Variants in ESPN observed in about 807,000 individuals in gnomAD.
ESPN encodes autosomal recessive deafness type 36 protein.
ESPN carries 68 observed loss-of-function variants against 77.7 expected under a neutral mutation model. The ratio of observed to expected loss-of-function variants is 0.87; its 90% CI spans 0.72 to 1.07. The LOEUF is 1.07. ESPN is among the 50% of genes least tolerant of loss of function. The pLI, the probability that ESPN is intolerant of heterozygous loss-of-function variation, is 0.00. For missense variants in ESPN, 1,060 were observed against 1,239.0 expected, an observed-to-expected ratio of 0.86 and a Z score of 2.17; for synonymous variants, 449 against 567.1, an observed-to-expected ratio of 0.79 and a Z score of 2.96.
intron 2 of ESPN, among the ~76,000 whole-genome samples, chr1:6,431,400 A>G (rs1643239912): frequency 6.6e-6 from 1 of 152,008 alleles, no homozygotes; most frequent in Non-Finnish European, 1.5e-5. Flanking sequence ...CCTGAGGTCA[A>G]GAGTTCAAAA....
intron 6 of ESPN, 89 bp from the exon 7 acceptor site, chr1:6,445,575 A>T: frequency 6.8e-7 from 1 of 1,468,078 alleles, no homozygotes; most frequent in Non-Finnish European, 9.4e-7. Context: ...GCCCCTCGGC[A>T]AGTTGTTTCC....
chr1:6,449,954 A>G (rs1643916249), intron 8 of ESPN, among the ~76,000 whole-genome samples: 4 of 152,060 alleles, frequency 2.6e-5, no homozygotes, highest in South Asian at 2.1e-4. Context: ...CCCTGACTAG[A>G]AGTGCAGAGC....
intron 10 of ESPN, chr1:6,456,504 C>T (rs989531965): frequency 4.5e-6 from 1 of 223,362 alleles, no homozygotes; most frequent in Non-Finnish European, 8.7e-6. Flanking sequence ...GGGGCTGCGG[C>T]TCCTCCTTGC....
In ESPN at chr1:6,448,813, G is replaced by A; in HGVS notation, c.1637G>A (p.Arg546His). 8.0e-7 allele frequency: 1 copy of A among 1,248,696 alleles called. No homozygotes were observed. The highest frequency in any genetic ancestry group is 3.3e-5 in the East Asian group (1 of 30,732). 77.4% of individuals were successfully genotyped at this position (1,248,696 alleles called of 1,614,324 possible). A position where few individuals can be genotyped will look rare whatever the true frequency, so the allele number is the denominator to read the frequency against. ...GCGCACAGCGAGGAGGTGCGTGCCC[G>A]CCAGCCCGCGCGCGCCGGCTGCCCG... ...GMAHSEEVRA[R>H]QPARAGCPRL... The change falls in exon 8 of 13, where the codon CGC becomes CAC. Residue 546 changes from arginine (R) to histidine (H), a missense_variant. By Grantham distance (29) the Arg-to-His change is conservative. Around this residue, in one of 3 missense-constraint regions of ESPN, gnomAD observed 130 missense variants for 223.9 expected, o/e 0.58. Transcript: ENST00000645284.
chr1:6,451,773 C>A lies in ESPN; in HGVS notation c.2061+25C>A. On this transcript the variant is annotated intron_variant, in intron 9 of 12. Coordinates refer to ENST00000645284, the MANE Select transcript of ESPN (RefSeq NM_031475.3). This position sits in a 1 kb window ranked among gnomAD's most constrained non-coding sequence, Gnocchi z 4.3. Reference sequence around the variant, plus strand: ...GGTAGGCGGGCCCAGCAGGAGCCTGCGACCCGGCTTCCCTGGCCCTAGGCC... The same window carrying A: ...GGTAGGCGGGCCCAGCAGGAGCCTGAGACCCGGCTTCCCTGGCCCTAGGCC... The A allele has an allele frequency of 6.2e-7, 1 of 1,610,298 alleles. No homozygotes were observed. Among genetic ancestry groups the A allele is most frequent in the Non-Finnish European group, 8.5e-7 (1 of 1,179,116 alleles).
At chr1:6,458,126 C>T (rs1255658089) in intron 12 of ESPN, among the ~76,000 whole-genome samples, 1 of 151,678 alleles carries the variant, frequency 6.6e-6, no homozygotes, top group African/African-American at 2.4e-5. Context: ...TCAAGTGATT[C>T]TCCTGCCTCA....
rs1643899999 is a variant in ESPN at position 6,448,978 on chromosome 1, C to T, written c.1802C>T (p.Pro601Leu). The T allele has an allele frequency of 2.1e-6, 3 of 1,420,358 alleles. No homozygotes were observed. The highest frequency in any genetic ancestry group is 2.7e-6 in the Non-Finnish European group (3 of 1,092,668). The allele number at this position is 1,420,358 out of a possible 1,614,324, so 88.0% of individuals were successfully genotyped here. A position where few individuals can be genotyped will look rare whatever the true frequency, so the allele number is the denominator to read the frequency against. The change falls in exon 8 of 13, where the codon CCG becomes CTG. Residue 601 changes from proline to leucine, a missense_variant. Around this residue, in one of 3 missense-constraint regions of ESPN, gnomAD observed 374 missense variants for 381.4 expected, o/e 0.98. Transcript: ENST00000645284. ...AGGGAGCTGCCACCGCCGCCCCCAC[C>T]GCCGCCGCCGCCCCTGCCGGAGGCC... is the stretch of plus-strand genomic sequence containing the variant. ...ASRELPPPPP[P>L]PPPPLPEAAS...
Position 6,451,601 on chromosome 1 carries a change from A to G in ESPN, c.1916-2A>G, listed in dbSNP as rs781466806. ...AGTGCCTCATCTCCTGCCTCCGCAT[A>G]GGCACCAAGTCTTTCAACATGATGT... On this transcript the variant is annotated splice_acceptor_variant, in intron 8 of 12. Transcript: ENST00000645284. LOFTEE classifies it high-confidence loss of function. The surrounding 1 kb of genome is among the most constrained non-coding windows in gnomAD (Gnocchi z 4.3). 3 of 1,612,560 alleles carry G rather than the reference A, an allele frequency of 1.9e-6. No individual in the cohort carries two copies. The Admixed American group carries it at 5.0e-5, about 27-fold the overall frequency.
Position 6,459,524 on chromosome 1 carries a change from T to C in ESPN, c.2418-475T>C, listed in dbSNP as rs1269707440. Among the ~76,000 whole-genome samples the C allele has an allele frequency of 4.6e-5, 7 of 151,656 alleles. 1 individual carries two copies. Among genetic ancestry groups the C allele is most frequent in the Admixed American group, 2.6e-4 (4 of 15,250 alleles). On this transcript the variant is annotated intron_variant, in intron 12 of 12. Coordinates refer to ENST00000645284, the MANE Select transcript of ESPN (RefSeq NM_031475.3). ...AGCCACATGTGCTTAGTGACTACTC[T>C]GTCAACAGGCAGATCTACCCTCTAT...
At chr1:6,425,693 G>T (rs1306901541) in intron 1 of ESPN, among the ~76,000 whole-genome samples, 2 of 152,260 alleles carry the variant, frequency 1.3e-5, no homozygotes, top group African/African-American at 4.8e-5. Context: ...CCCAGCCAGG[G>T]TGTGGGGGAA....
In ESPN at chr1:6,460,114, A is replaced by T; in HGVS notation, c.2533A>T (p.Ile845Phe). 5 of 1,612,996 alleles carry T rather than the reference A, an allele frequency of 3.1e-6. No individual in the cohort carries two copies. The highest frequency in any genetic ancestry group is 4.2e-6 in the Non-Finnish European group (5 of 1,180,010). ...GCTGGCGCCCTGGCAGCGACAGGTC[A>T]TCCTGAAGAAGGGGGACATCGCTAA... ...SKLAPWQRQVILKKGDIAKY is the reference protein window; with the variant it reads ...SKLAPWQRQVFLKKGDIAKY The change falls in exon 13 of 13, where the codon ATC becomes TTC. Residue 845 changes from isoleucine to phenylalanine, a missense_variant. Ile to Phe is a conservative substitution (Grantham distance 21). Coordinates refer to ENST00000645284, the MANE Select transcript of ESPN (RefSeq NM_031475.3).
Position 6,437,534 on chromosome 1 carries a change from G to A in ESPN, c.489-2720G>A, listed in dbSNP as rs1292828214. ...GAGTGTGCGTGGGGGTGACGCTGGCGCTGGGGTGTGGAGGCTGGCAGCCAC... is the reference window on the plus strand; with the variant it reads ...GAGTGTGCGTGGGGGTGACGCTGGCACTGGGGTGTGGAGGCTGGCAGCCAC... On this transcript the variant is annotated intron_variant, in intron 2 of 12. Coordinates refer to ENST00000645284, the MANE Select transcript of ESPN (RefSeq NM_031475.3). The surrounding 1 kb of genome is among the most constrained non-coding windows in gnomAD (Gnocchi z 4.5). The A allele has an allele frequency of 6.6e-6, 1 of 152,404 alleles. No individual in the cohort carries two copies. The highest frequency in any genetic ancestry group is 1.5e-5 in the Non-Finnish European group (1 of 68,078). The allele number at this position is 152,404 out of a possible 1,614,324, so 9.4% of individuals were successfully genotyped here.
In ESPN at chr1:6,447,909, AAGT is replaced by A. The variant is rs1042030372; in HGVS notation, c.1465-728_1465-726del. 1 of 152,138 alleles carries A rather than the reference AAGT, an allele frequency of 6.6e-6. No homozygotes were observed. The allele number at this position is 152,138 out of a possible 1,614,324, so 9.4% of individuals were successfully genotyped here. ...TGCAGAGCCGCGGCCAGGTGTGGCA[AAGT>A]AGTTGGCGCCCCCTGTGGCATCCGC... is the stretch of plus-strand genomic sequence containing the variant. On this transcript the variant is annotated intron_variant, in intron 7 of 12. Coordinates refer to ENST00000645284, the MANE Select transcript of ESPN (RefSeq NM_031475.3). This position sits in a 1 kb window ranked among gnomAD's most constrained non-coding sequence, Gnocchi z 5.2.
rs1035716778 is a variant in ESPN, at chr1:6,460,693, T to G, written c.*547T>G. The stretch of plus-strand genomic sequence containing the variant: ...CTCAGTCATTTGTTTACCAGAAACA[T>G]GAAAACTGCCTGTCTGGCCGGGCCG... On this transcript the variant is annotated 3_prime_UTR_variant, in exon 13 of 13. Transcript: ENST00000645284. The G allele has an allele frequency of 2.4e-5, 4 of 168,728 alleles. No individual in the cohort carries two copies. Among genetic ancestry groups the G allele is most frequent in the Admixed American group, 5.7e-5 (1 of 17,420 alleles). The allele number at this position is 168,728 out of a possible 1,614,324, so 10.5% of individuals were successfully genotyped here. A position where few individuals can be genotyped will look rare whatever the true frequency, so the allele number is the denominator to read the frequency against.
At position 6,447,167 on chromosome 1, in the gene ESPN, G is replaced by C. The variant is rs6577577; in HGVS notation, c.1464+1232G>C. Reference sequence around the variant, plus strand: ...CCCTCCCGGCTGTGTGCGTCCCTCCGGGCTGTGTGCGCCCCTCCCGGCTGT... The same window carrying C: ...CCCTCCCGGCTGTGTGCGTCCCTCCCGGCTGTGTGCGCCCCTCCCGGCTGT... On this transcript the variant is annotated intron_variant, in intron 7 of 12. Transcript: ENST00000645284. The surrounding 1 kb of genome is among the most constrained non-coding windows in gnomAD (Gnocchi z 5.2). Among the ~76,000 whole-genome samples the C allele has an allele frequency of 0.22, 32,478 of 150,754 alleles. 7,760 individuals are homozygous for C. The highest frequency in any genetic ancestry group is 0.6 in the African/African-American group (24,578 of 41,010).
At chr1:6,458,890 C>T (rs1227652509) in intron 12 of ESPN, among the ~76,000 whole-genome samples, 1 of 147,964 alleles carries the variant, frequency 6.8e-6, no homozygotes, top group Non-Finnish European at 1.5e-5. Flanking sequence ...AGGATCACGC[C>T]GTTTTGTACT....
chr1:6,425,253 G>A lies in ESPN; in HGVS notation c.294+4G>A. 1 of 1,567,812 alleles carries A rather than the reference G, an allele frequency of 6.4e-7. No individual in the cohort carries two copies. The highest frequency in any genetic ancestry group is 8.6e-7 in the Non-Finnish European group (1 of 1,165,506). On this transcript the variant is annotated splice_donor_region_variant and intron_variant, in intron 1 of 12. Coordinates refer to ENST00000645284, the MANE Select transcript of ESPN (RefSeq NM_031475.3). The stretch of plus-strand genomic sequence containing the variant: ...GCAGGGCGGCTGCAGAGTGCAGGTG[G>A]GTCCGCGCGGTTCGCCAGGGGCACT...
intron 7 of ESPN, among the ~76,000 whole-genome samples, chr1:6,446,539 G>T (rs1042310896): frequency 3.3e-5 from 5 of 152,186 alleles, no homozygotes; most frequent in African/African-American, 1.2e-4. Context: ...GTGTGGAGAG[G>T]ATGAGGCCAG....
At position 6,450,883 on chromosome 1, in the gene ESPN, C is replaced by T. The variant is rs1232873478; in HGVS notation, c.1916-720C>T. ...ACCTCTCTCTCCAAATCTCCATTTG[C>T]CTCCTCTGGCTAAGCTGGAAAATGC... On this transcript the variant is annotated intron_variant, in intron 8 of 12. Coordinates refer to ENST00000645284, the MANE Select transcript of ESPN (RefSeq NM_031475.3). This position sits in a 1 kb window ranked among gnomAD's most constrained non-coding sequence, Gnocchi z 4.3. Among the ~76,000 whole-genome samples, 1 of 152,160 alleles carries T rather than the reference C, an allele frequency of 6.6e-6. No individual in the cohort carries two copies. Among genetic ancestry groups the T allele is most frequent in the Non-Finnish European group, 1.5e-5 (1 of 68,024 alleles).
Sources: gnomAD v4.1 joint callset for allele counts (sites outside exome capture counted in the v4.1 genomes callset) on GRCh38, gnomAD v4.1.1 for gene constraint, gnomAD v4.1.1 regional missense constraint, Gnocchi (gnomAD v3.1) non-coding constraint, MANE v1.5 for transcripts, NCBI Gene and HGNC (gene_info 2026-07-23, HGNC 2026-07-21) for gene names.